Variants in GABRG3 observed in about 807,000 individuals in gnomAD.
GABRG3 encodes gamma-aminobutyric acid type A receptor subunit gamma3, also known as gamma-aminobutyric acid receptor subunit gamma-3.
GABRG3 carries 25 observed loss-of-function variants against 48.8 expected under a neutral mutation model. The observed-to-expected ratio is 0.51, with a 90% confidence interval of 0.37 to 0.72. GABRG3 has a LOEUF of 0.72. Ranked by LOEUF, GABRG3 falls within the 30% of genes least tolerant of loss-of-function variation. The pLI, the probability that GABRG3 is intolerant of heterozygous loss-of-function variation, is 0.00. For synonymous variants in GABRG3, 227 were observed against 217.6 expected (o/e 1.04, Z -0.38); for missense variants, 394 against 577.9 (o/e 0.68, Z 3.26).
rs7180749 is a variant in GABRG3, at chr15:27,193,552, C to T, written c.271-133257C>T. Reference sequence around the variant, plus strand: ...TGCAGGATATAATCTCCTGGTGCGCCGTTTTTTAAGCCCTTGGGAAAAGTG... The same window carrying T: ...TGCAGGATATAATCTCCTGGTGCGCTGTTTTTTAAGCCCTTGGGAAAAGTG... On this transcript the variant is annotated intron_variant, in intron 3 of 9. Coordinates refer to ENST00000615808, the MANE Select transcript of GABRG3 (RefSeq NM_033223.5). Among the ~76,000 whole-genome samples the T allele has an allele frequency of 2.6e-3, 389 of 152,200 alleles. 1 individual carries two copies. Among genetic ancestry groups the T allele is most frequent in the African/African-American group, 9.1e-3 (376 of 41,546 alleles).
intron 3 of GABRG3, among the ~76,000 whole-genome samples, chr15:27,090,901 G>A (rs1897173140): frequency 6.6e-6 from 1 of 152,186 alleles, no homozygotes; most frequent in Non-Finnish European, 1.5e-5. Context: ...AGCTCTAACT[G>A]TGGGTGTGTT....
chr15:27,171,510 A>ATG (rs900842363), intron 3 of GABRG3, among the ~76,000 whole-genome samples: 15 of 140,850 alleles, frequency 1.1e-4, no homozygotes, highest in Non-Finnish European at 1.8e-4. Flanking sequence ...TGTCTAACAT[A>ATG]TATATATATA....
At chr15:27,261,367 T>G (rs1391946801) in intron 3 of GABRG3, among the ~76,000 whole-genome samples, 2 of 152,004 alleles carry the variant, frequency 1.3e-5, no homozygotes, top group African/African-American at 4.8e-5. Context: ...AGATCTGCAG[T>G]TAACTGTCAG....
At chr15:27,182,634 G>C (rs1887967083) in intron 3 of GABRG3, among the ~76,000 whole-genome samples, 1 of 152,060 alleles carries the variant, frequency 6.6e-6, no homozygotes, top group African/African-American at 2.4e-5. Context: ...ATGACGGGAG[G>C]GGGTGCTTAG....
intron 3 of GABRG3, among the ~76,000 whole-genome samples, chr15:27,283,238 T>C (rs1891495433): frequency 6.6e-6 from 1 of 152,138 alleles, no homozygotes; most frequent in African/African-American, 2.4e-5. Flanking sequence ...GCCAAGCATT[T>C]GTTGATGGTG....
At chr15:27,388,361 G>A (rs111716322) in intron 5 of GABRG3, among the ~76,000 whole-genome samples, 776 of 29,202 alleles carry the variant, frequency 0.027, 116 homozygotes, top group African/African-American at 0.074. Context: ...GGTAAGGAAG[G>A]AAGGAAGAAA....
At chr15:27,313,192 A>G (rs868522692) in intron 3 of GABRG3, among the ~76,000 whole-genome samples, 23 of 139,536 alleles carry the variant, frequency 1.6e-4, no homozygotes, top group Middle Eastern at 3.7e-3. Context: ...ATATATATAT[A>G]TGTGTATATA....
intron 5 of GABRG3, among the ~76,000 whole-genome samples, chr15:27,442,088 T>C (rs1888804675): frequency 6.6e-6 from 1 of 152,146 alleles, no homozygotes; most frequent in African/African-American, 2.4e-5. Context: ...CTCCCTGCCA[T>C]GGACCTGCCA....
chr15:27,137,063 G>A lies in GABRG3; in HGVS notation c.270+110242G>A, dbSNP rs143793453. ...AGCATCCTGAGGAGCTGCCTGACTC[G>A]TACCTGCCTATAAAAGGTTCCCTGT... On this transcript the variant is annotated intron_variant, in intron 3 of 9. Transcript: ENST00000615808. Among the ~76,000 whole-genome samples the A allele has an allele frequency of 4.2e-3, 641 of 152,252 alleles. 3 individuals carry two copies. The highest frequency in any genetic ancestry group is 0.014 in the African/African-American group (599 of 41,558).
chr15:27,489,202 A>G (rs1450953897), intron 6 of GABRG3, among the ~76,000 whole-genome samples: 2 of 152,204 alleles, frequency 1.3e-5, no homozygotes, highest in African/African-American at 2.4e-5. Flanking sequence ...TGCAAAGGAC[A>G]TGAACTCATC....
chr15:27,191,901 G>C (rs900048184), intron 3 of GABRG3, among the ~76,000 whole-genome samples: 4 of 151,748 alleles, frequency 2.6e-5, no homozygotes, highest in African/African-American at 7.3e-5. Flanking sequence ...TCCTTCAGGA[G>C]CTCTTTTAGG....
intron 2 of GABRG3, among the ~76,000 whole-genome samples, chr15:27,025,794 A>G (rs755506410): frequency 2.0e-5 from 3 of 152,244 alleles, no homozygotes; most frequent in Non-Finnish European, 2.9e-5. Flanking sequence ...TCTTGTTTCT[A>G]TAGAAACAGT....
At chr15:27,408,580 G>T (rs1448759818) in intron 5 of GABRG3, among the ~76,000 whole-genome samples, 1 of 152,156 alleles carries the variant, frequency 6.6e-6, no homozygotes, top group Non-Finnish European at 1.5e-5. Flanking sequence ...AGGTGAGAAG[G>T]TAAGAAATGC....
intron 5 of GABRG3, among the ~76,000 whole-genome samples, chr15:27,351,324 G>GGT (rs554737853): frequency 7.1e-6 from 1 of 141,540 alleles, no homozygotes; most frequent in African/African-American, 2.6e-5. Flanking sequence ...GTATGTGTAT[G>GGT]GTGTGTGTGT....
intron 3 of GABRG3, among the ~76,000 whole-genome samples, chr15:27,106,946 C>T (rs1017423082): frequency 3.3e-5 from 5 of 151,946 alleles, no homozygotes; most frequent in African/African-American, 1.2e-4. Flanking sequence ...AAGGAAATAT[C>T]CTGGCCTAGA....
intron 5 of GABRG3, among the ~76,000 whole-genome samples, chr15:27,368,613 G>A (rs2140553696): frequency 6.6e-6 from 1 of 152,292 alleles, no homozygotes; most frequent in Non-Finnish European, 1.5e-5. Flanking sequence ...ATGTAAGTTA[G>A]GTTCCATTAT....
intron 3 of GABRG3, among the ~76,000 whole-genome samples, chr15:27,106,437 G>A (rs1379150602): frequency 2.0e-5 from 3 of 151,252 alleles, no homozygotes; most frequent in Admixed American, 2.0e-4. Context: ...CAGTCCTGCA[G>A]GAAAGAAAGG....
chr15:27,518,894 G>T (rs183277917), intron 6 of GABRG3, among the ~76,000 whole-genome samples: 2 of 152,318 alleles, frequency 1.3e-5, no homozygotes, highest in Non-Finnish European at 2.9e-5. Flanking sequence ...GAGCAAAAAG[G>T]ACTGGTCATT....
chr15:27,322,477 GA>G (rs1210910956), intron 3 of GABRG3, among the ~76,000 whole-genome samples: 5 of 152,164 alleles, frequency 3.3e-5, no homozygotes, highest in Non-Finnish European at 7.3e-5. Flanking sequence ...TGGGACATAG[GA>G]AGAAACCATC....
Sources: allele counts gnomAD v4.1 joint callset (sites outside exome capture counted in the v4.1 genomes callset), GRCh38; gene constraint gnomAD v4.1.1; transcripts MANE v1.5; gene names NCBI Gene and HGNC (gene_info 2026-07-23, HGNC 2026-07-21).